Variants in ACAP2 observed in about 807,000 individuals in gnomAD.
The protein encoded by ACAP2 is ArfGAP with coiled-coil, ankyrin repeat and PH domains 2.
ACAP2 carries 39 observed loss-of-function variants against 115.8 expected under a neutral mutation model. The ratio of observed to expected loss-of-function variants is 0.34; its 90% confidence interval spans 0.26 to 0.44. The LOEUF (loss-of-function observed/expected upper bound fraction) is 0.44. ACAP2 is among the 20% of genes least tolerant of loss of function. The probability of loss-of-function intolerance (pLI) is 1.00; values close to 1 mark genes in which losing one functional copy is unlikely to be tolerated. For missense variants in ACAP2, 662 were observed against 927.6 expected (o/e 0.71, Z 3.72); for synonymous variants, 289 against 315.8 (o/e 0.92, Z 0.90).
In ACAP2 at chr3:195,398,637, CTAAATAAATAAATAAA is replaced by C. The variant is rs55788907; in HGVS notation, c.54-6506_54-6491del. On this transcript the variant is annotated intron_variant, in intron 1 of 22. Coordinates refer to ENST00000326793, the MANE Select transcript of ACAP2 (RefSeq NM_012287.6). ...GGGCAACAAGAGTGAAACTCCAACT[CTAAATAAATAAATAAA>C]TAAATAAATAAATAAATAAATAAAT... Among the ~76,000 whole-genome samples, 67 of 142,776 alleles carry C rather than the reference CTAAATAAATAAATAAA, an allele frequency of 4.7e-4. 1 individual carries two copies. Among genetic ancestry groups the C allele is most frequent in the Non-Finnish European group, 7.8e-4 (51 of 65,648 alleles). The allele number at this position is 142,776 out of a possible 152,430, so 93.7% of individuals were successfully genotyped here. A position where few individuals can be genotyped will look rare whatever the true frequency, so the allele number is the denominator to read the frequency against.
intron 4 of ACAP2, among the ~76,000 whole-genome samples, chr3:195,370,294 T>C (rs1405402925): frequency 2.0e-5 from 3 of 152,234 alleles, no homozygotes; most frequent in Non-Finnish European, 4.4e-5. Context: ...GCTTTTGGCA[T>C]CTTTGTCATG....
chr3:195,404,865 T>A (rs1043163541), intron 1 of ACAP2, among the ~76,000 whole-genome samples: 1 of 151,046 alleles, frequency 6.6e-6, no homozygotes, highest in Non-Finnish European at 1.5e-5. Context: ...TGGCACAATC[T>A]CAGCTCACTG....
intron 4 of ACAP2, among the ~76,000 whole-genome samples, chr3:195,346,927 G>A (rs1204148423): frequency 6.6e-6 from 1 of 152,148 alleles, no homozygotes; most frequent in Non-Finnish European, 1.5e-5. Context: ...GCAAGACTGA[G>A]GGGATGAAAA....
chr3:195,366,787 T>A (rs1406856487), intron 4 of ACAP2, among the ~76,000 whole-genome samples: 8 of 152,130 alleles, frequency 5.3e-5, no homozygotes, highest in Non-Finnish European at 1.0e-4. Flanking sequence ...TCACATTCAC[T>A]AACATTAAAA....
chr3:195,381,066 T>A lies in ACAP2; in HGVS notation c.232-4A>T. On this transcript the variant is annotated splice_region_variant and splice_polypyrimidine_tract_variant and intron_variant, in intron 3 of 22. Transcript: ENST00000326793. ...CAGAAAACTTGGTCAAACTTGTCTA[T>A]GAGAAAAAAAGCAAAAGAAAACCAA... 6.3e-7 allele frequency: 1 copy of A among 1,594,864 alleles called. No individual in the cohort carries two copies. Among genetic ancestry groups the A allele is most frequent in the African/African-American group, 1.4e-5 (1 of 73,658 alleles).
chr3:195,307,177 C>CTA, intron 12 of ACAP2, 46 bp downstream of exon 12: 1 of 1,489,706 alleles, frequency 6.7e-7, no homozygotes, highest in Non-Finnish European at 9.3e-7. Context: ...TTAAGACAAA[C>CTA]TATAAAAACA....
At chr3:195,354,424 C>T (rs1215842973) in intron 4 of ACAP2, among the ~76,000 whole-genome samples, 2 of 152,146 alleles carry the variant, frequency 1.3e-5, no homozygotes, top group Non-Finnish European at 2.9e-5. Context: ...TGCACTTCTC[C>T]AATGATCAGT....
At chr3:195,346,526 A>G (rs937798268) in intron 4 of ACAP2, among the ~76,000 whole-genome samples, 1 of 152,202 alleles carries the variant, frequency 6.6e-6, no homozygotes, top group African/African-American at 2.4e-5. Context: ...TTTGTGAAAG[A>G]CAAAAACTCA....
At chr3:195,333,201 A>T (rs1038708659) in intron 7 of ACAP2, 78 bp from the exon 8 acceptor site, 52 of 635,938 alleles carry the variant, frequency 8.2e-5, no homozygotes, top group African/African-American at 2.0e-5. Context: ...TATATATAAA[A>T]ATATATAAAA....
chr3:195,402,628 A>G (rs1268291986), intron 1 of ACAP2, among the ~76,000 whole-genome samples: 1 of 152,184 alleles, frequency 6.6e-6, no homozygotes, highest in African/African-American at 2.4e-5. Flanking sequence ...CAGAAATTTG[A>G]CAGGAGCTAA....
chr3:195,306,612 A>C lies in ACAP2; in HGVS notation c.1015T>G (p.Cys339Gly). The change falls in exon 13 of 23, where the codon TGC becomes GGC. Residue 339 changes from cysteine (C) to glycine (G), a missense_variant. Coordinates refer to ENST00000326793, the MANE Select transcript of ACAP2 (RefSeq NM_012287.6). ...CFEVVSPTKS[C>G]MLQADSEKLR... ...TTTTCGGAATCTGCCTGGAGCATGC[A>C]ACTTCTAAAAGGAAATAACATATTG... The C allele has an allele frequency of 6.2e-7, 1 of 1,610,712 alleles. No individual in the cohort carries two copies. The highest frequency in any genetic ancestry group is 1.7e-4 in the Middle Eastern group (1 of 6,054).
intron 4 of ACAP2, among the ~76,000 whole-genome samples, chr3:195,353,351 T>C (rs1356340197): frequency 6.6e-6 from 1 of 152,208 alleles, no homozygotes; most frequent in African/African-American, 2.4e-5. Flanking sequence ...AATAATCTGT[T>C]ATACAGCAGT....
chr3:195,304,189 A>C (rs956360116), intron 13 of ACAP2, among the ~76,000 whole-genome samples: 7 of 150,366 alleles, frequency 4.7e-5, no homozygotes, highest in Admixed American at 4.0e-4. Context: ...AAAAAAAAAA[A>C]AAAAAACTTC....
intron 2 of ACAP2, among the ~76,000 whole-genome samples, chr3:195,391,469 G>A (rs969399649): frequency 2.6e-5 from 4 of 151,638 alleles, no homozygotes; most frequent in African/African-American, 9.7e-5. Flanking sequence ...CAGGTGATCC[G>A]CCCATCTCAG....
chr3:195,290,846 AAAT>A lies in ACAP2; in HGVS notation c.2063+857_2063+859del, dbSNP rs1433146251. ...TAAATAAATAAATAAATAAATAAATAAATAATAAATAAATAAATAAATAAATAA... is the reference window on the plus strand; with the variant it reads ...TAAATAAATAAATAAATAAATAAATAAATAAATAAATAAATAAATAAATAA... On this transcript the variant is annotated intron_variant, in intron 20 of 22. Transcript: ENST00000326793. Among the ~76,000 whole-genome samples the A allele has an allele frequency of 6.1e-3, 771 of 126,788 alleles. 9 individuals are homozygous for A. The highest frequency in any genetic ancestry group is 0.022 in the African/African-American group (683 of 30,758). 83.2% of individuals were successfully genotyped at this position (126,788 alleles called of 152,430 possible).
intron 6 of ACAP2, among the ~76,000 whole-genome samples, chr3:195,341,630 C>T (rs544583799): frequency 1.8e-3 from 278 of 152,064 alleles, no homozygotes; most frequent in African/African-American, 6.4e-3. Context: ...GCCCAGATTT[C>T]TAGTTTTTAA....
intron 1 of ACAP2, among the ~76,000 whole-genome samples, chr3:195,409,998 A>C (rs1197516666): frequency 1.3e-5 from 2 of 151,936 alleles, no homozygotes; most frequent in Non-Finnish European, 2.9e-5. Flanking sequence ...GCAAAACTGG[A>C]GGATTCACAC....
Position 195,279,322 on chromosome 3 carries a change from A to T in ACAP2, c.*6T>A. On this transcript the variant is annotated 3_prime_UTR_variant, in exon 23 of 23. Coordinates refer to ENST00000326793, the MANE Select transcript of ACAP2 (RefSeq NM_012287.6). ...AGATTTCATATTTTCCCATTTTTAAAAAAATTCAGAATTTCTGTGAATCTT... is the reference window on the plus strand; with the variant it reads ...AGATTTCATATTTTCCCATTTTTAATAAAATTCAGAATTTCTGTGAATCTT... The T allele has an allele frequency of 6.3e-7, 1 of 1,585,654 alleles. No homozygotes were observed. The highest frequency in any genetic ancestry group is 8.6e-7 in the Non-Finnish European group (1 of 1,163,524).
chr3:195,359,835 C>T lies in ACAP2; in HGVS notation c.286-14518G>A, dbSNP rs140116904. Among the ~76,000 whole-genome samples the T allele has an allele frequency of 7.2e-5, 11 of 152,066 alleles. No homozygotes were observed. In the East Asian group the frequency reaches 1.2e-3, roughly 16 times the overall value. On this transcript the variant is annotated intron_variant, in intron 4 of 22. Coordinates refer to ENST00000326793, the MANE Select transcript of ACAP2 (RefSeq NM_012287.6). ...TATGCAATCAGTGTTGATTTGCTAC[C>T]GTAAGATACTATTTGCAAGCCTCAT...
Sources: allele counts gnomAD v4.1 joint callset (sites outside exome capture counted in the v4.1 genomes callset), GRCh38; gene constraint gnomAD v4.1.1; transcripts MANE v1.5; gene names NCBI Gene and HGNC (gene_info 2026-07-23, HGNC 2026-07-21).